RIF1: variants seen among roughly 807,000 people sequenced by gnomAD.
RIF1 encodes the protein replication timing regulatory factor 1, also known as telomere-associated protein RIF1.
A neutral mutation model predicts 247.1 loss-of-function variants in RIF1; 45 were observed. The ratio of observed to expected loss-of-function variants is 0.18; its 90% CI spans 0.14 to 0.23. The LOEUF (loss-of-function observed/expected upper bound fraction) is 0.23, where lower values mean the gene tolerates loss of function less well. Ranked by LOEUF, RIF1 falls within the 10% of genes least tolerant of loss-of-function variation. RIF1 has a pLI of 1.00. For missense variants in RIF1, 2,967 were observed against 2,862.5 expected, an observed-to-expected ratio of 1.04 and a Z score of -0.83; for synonymous variants, 1,087 against 978.8, an observed-to-expected ratio of 1.11 and a Z score of -2.06.
intron 10 of RIF1, among the ~76,000 whole-genome samples, chr2:151,496,725 T>C (rs1454012312): frequency 6.6e-6 from 1 of 152,006 alleles, no homozygotes; most frequent in Non-Finnish European, 1.5e-5. Flanking sequence ...TTTTAAAAAA[T>C]GATTGAAAAT....
chr2:151,473,465 G>C (rs1475438483), intron 34 of RIF1, among the ~76,000 whole-genome samples: 1 of 151,546 alleles, frequency 6.6e-6, no homozygotes, highest in East Asian at 1.9e-4. Context: ...GTTTTTTGTA[G>C]AAGGGGGTTT....
intron 9 of RIF1, chr2:151,493,723 G>T: frequency 7.5e-7 from 1 of 1,335,202 alleles, no homozygotes; most frequent in Non-Finnish European, 1.0e-6. Flanking sequence ...GTACAACCAT[G>T]TTTGCCAGGG....
Position 151,461,199 on chromosome 2 carries a change from C to A in RIF1, c.3137C>A (p.Ser1046Tyr). 1 of 1,613,246 alleles carries A rather than the reference C, an allele frequency of 6.2e-7. No homozygotes were observed. ...KGEILLEEEK[S>Y]TDFVFIPPEG... Reference sequence around the variant, plus strand: ...GAAATTCTTTTGGAAGAGGAAAAGTCTACTGACTTTGTGTTTATACCTCCA... The same window carrying A: ...GAAATTCTTTTGGAAGAGGAAAAGTATACTGACTTTGTGTTTATACCTCCA... The change falls in exon 27 of 36, where the codon TCT (serine) becomes TAT (tyrosine). Residue 1046 changes from serine to tyrosine, a missense_variant. By Grantham distance (144) the Ser-to-Tyr change is moderately radical. Coordinates refer to ENST00000444746, the MANE Select transcript of RIF1 (RefSeq NM_018151.5).
intron 11 of RIF1, among the ~76,000 whole-genome samples, chr2:151,500,974 A>ATGT (rs2064029669): frequency 6.6e-6 from 1 of 152,164 alleles, no homozygotes; most frequent in African/African-American, 2.4e-5. Context: ...AATAGGGTCT[A>ATGT]TGTTAAGATG....
intron 26 of RIF1, 94 bp from the exon 27 acceptor site, chr2:151,461,043 GA>G: frequency 2.6e-6 from 3 of 1,141,520 alleles, no homozygotes; most frequent in Admixed American, 2.2e-5. Flanking sequence ...AATCACTATT[GA>G]AAAATGGTGT....
intron 30 of RIF1, among the ~76,000 whole-genome samples, chr2:151,466,500 C>T (rs894669689): frequency 4.6e-5 from 7 of 152,044 alleles, no homozygotes; most frequent in Admixed American, 3.9e-4. Flanking sequence ...TGTGTTGGAA[C>T]ATTATGCTGT....
At chr2:151,474,312 A>G (rs1226465777) in intron 35 of RIF1, among the ~76,000 whole-genome samples, 1 of 152,246 alleles carries the variant, frequency 6.6e-6, no homozygotes, top group South Asian at 2.1e-4. Flanking sequence ...AGTTATATTA[A>G]TAAATGAAGT....
At chr2:151,439,051 A>G (rs944629178) in intron 14 of RIF1, among the ~76,000 whole-genome samples, 8 of 152,224 alleles carry the variant, frequency 5.3e-5, no homozygotes, top group African/African-American at 1.9e-4. Flanking sequence ...GCACATATTT[A>G]TACGTTATGT....
the RIF1 span, among the ~76,000 whole-genome samples, chr2:151,525,424 T>C: frequency 4.6e-5 from 7 of 152,364 alleles, no homozygotes; most frequent in South Asian, 4.1e-4. Context: ...AGTTCTTCTC[T>C]GTCATTTGTG....
intron 10 of RIF1, among the ~76,000 whole-genome samples, chr2:151,433,535 A>G (rs1010393600): frequency 5.3e-5 from 8 of 151,898 alleles, no homozygotes; most frequent in African/African-American, 1.7e-4. Context: ...GCTCACTGCA[A>G]CCTCCACCTC....
intron 11 of RIF1, among the ~76,000 whole-genome samples, chr2:151,501,196 C>T (rs1302379699): frequency 6.6e-6 from 1 of 151,924 alleles, no homozygotes; most frequent in African/African-American, 2.4e-5. Context: ...TTTTAAGGGA[C>T]TATTATAGAA....
At chr2:151,457,217 GCTCAAGGT>G (rs1183351702) in intron 23 of RIF1, among the ~76,000 whole-genome samples, 1 of 152,096 alleles carries the variant, frequency 6.6e-6, no homozygotes, top group Non-Finnish European at 1.5e-5. Context: ...GCCCTCCTGG[GCTCAAGGT>G]GATTCTCCCA....
chr2:151,505,057 C>T (rs2067718189), intron 12 of RIF1, among the ~76,000 whole-genome samples: 1 of 152,104 alleles, frequency 6.6e-6, no homozygotes, highest in Non-Finnish European at 1.5e-5. Context: ...GTCATACATA[C>T]ACACACACAT....
chr2:151,528,363 T>C, the RIF1 span, among the ~76,000 whole-genome samples: 5 of 152,386 alleles, frequency 3.3e-5, no homozygotes, highest in East Asian at 9.6e-4. Flanking sequence ...CTTTTATGTA[T>C]ACTATTTAAT....
downstream of RIF1, among the ~76,000 whole-genome samples, chr2:151,509,892 G>A (rs998267177): frequency 1.3e-5 from 2 of 152,192 alleles, no homozygotes; most frequent in Non-Finnish European, 2.9e-5. Flanking sequence ...ACAGGCGCGA[G>A]CCACTGCGCC....
chr2:151,415,476 C>G (rs1687040447), intron 4 of RIF1, among the ~76,000 whole-genome samples: 1 of 146,988 alleles, frequency 6.8e-6, no homozygotes, highest in Non-Finnish European at 1.5e-5. Context: ...TGCCTGTAGT[C>G]CCATCTGCTG....
the RIF1 span, chr2:151,514,238 T>G: frequency 1.0e-6 from 1 of 957,604 alleles, no homozygotes; most frequent in Non-Finnish European, 1.7e-6. Context: ...CTGTTTTTGT[T>G]TTGCTTTTTC....
chr2:151,410,580 AAAG>A, intron 2 of RIF1, 53 bp downstream of exon 2: 2 of 1,429,498 alleles, frequency 1.4e-6, no homozygotes, highest in Non-Finnish European at 2.0e-6. Context: ...TAGTGGGGAG[AAAG>A]AAGGTGGTTG....
intron 4 of RIF1, among the ~76,000 whole-genome samples, chr2:151,416,345 T>C (rs899855623): frequency 6.6e-6 from 1 of 152,168 alleles, no homozygotes; most frequent in Non-Finnish European, 1.5e-5. Flanking sequence ...TCTGATTTGG[T>C]GTCTGTTGTT....
Sources: gnomAD v4.1 joint callset for allele counts (sites outside exome capture counted in the v4.1 genomes callset) on GRCh38, gnomAD v4.1.1 for gene constraint, MANE v1.5 for transcripts, NCBI Gene and HGNC (gene_info 2026-07-23, HGNC 2026-07-21) for gene names.